The following ZNF775 variants were observed in gnomAD, a reference collection of about 807,000 sequenced individuals.
ZNF775 encodes zinc finger protein 775.
Under a neutral mutation model 2.4 loss-of-function variants are expected in ZNF775, and 1 was observed. The ratio of observed to expected loss-of-function variants is 0.41; its 90% confidence interval spans 0.15 to 1.94. The LOEUF (loss-of-function observed/expected upper bound fraction) is 1.94, where lower values mean the gene tolerates loss of function less well. ZNF775 is among the 30% of genes most tolerant of loss of function. ZNF775 has a pLI of 0.30. For synonymous variants in ZNF775, 381 were observed against 373.3 expected (o/e 1.02, Z -0.24); for missense variants, 823 against 826.6 (o/e 1.00, Z 0.05).
At chr7:150,386,870 C>T (rs964822871) in intron 1 of ZNF775, among the ~76,000 whole-genome samples, 2 of 152,226 alleles carry the variant, frequency 1.3e-5, no homozygotes, top group African/African-American at 4.8e-5. Context: ...CTGCTCTGAG[C>T]CCTGCGGATC....
At chr7:150,390,932 G>T (rs1475745696) in intron 2 of ZNF775, among the ~76,000 whole-genome samples, 1 of 152,206 alleles carries the variant, frequency 6.6e-6, no homozygotes, top group Non-Finnish European at 1.5e-5. Flanking sequence ...GTGTATACTT[G>T]TTCTCCTGTG....
intron 1 of ZNF775, among the ~76,000 whole-genome samples, chr7:150,380,439 C>A (rs963990440): frequency 1.3e-5 from 2 of 152,118 alleles, no homozygotes; most frequent in African/African-American, 4.8e-5. Flanking sequence ...GTAGATGGTC[C>A]TAGGTGCACA....
rs1352817492 is a variant in ZNF775, at chr7:150,397,587, C to T, written c.1106C>T (p.Pro369Leu). Residue 369 changes from proline to leucine, a missense_variant, in exon 3 of 3, where the codon CCC becomes CTC. Pro to Leu is a moderately conservative substitution (Grantham distance 98). Coordinates refer to ENST00000329630, the MANE Select transcript of ZNF775 (RefSeq NM_173680.4). Reference sequence around the variant, plus strand: ...CCCGGCGCCCAGGCTGCGCCCTGCCCCAGCTGCGGTAAGAGCTGCCGCAGC... The same window carrying T: ...CCCGGCGCCCAGGCTGCGCCCTGCCTCAGCTGCGGTAAGAGCTGCCGCAGC... ...HLPGAQAAPC[P>L]SCGKSCRSRA... The T allele has an allele frequency of 6.8e-7, 1 of 1,474,818 alleles. No individual in the cohort carries two copies. The highest frequency in any genetic ancestry group is 1.5e-5 in the African/African-American group (1 of 67,254). The allele number at this position is 1,474,818 out of a possible 1,614,324, so 91.4% of individuals were successfully genotyped here.
chr7:150,389,396 C>T (rs1347025122), intron 2 of ZNF775, among the ~76,000 whole-genome samples: 8 of 152,228 alleles, frequency 5.3e-5, no homozygotes, highest in Admixed American at 3.3e-4. Flanking sequence ...AAAAGAGAAA[C>T]GTGGCCGCAA....
At chr7:150,395,022 G>C (rs1800624709) in intron 2 of ZNF775, among the ~76,000 whole-genome samples, 1 of 120,002 alleles carries the variant, frequency 8.3e-6, no homozygotes, top group African/African-American at 3.0e-5. Flanking sequence ...CATATAAGGT[G>C]GAAAAAGTCC....
chr7:150,389,941 A>G (rs1388359725), intron 2 of ZNF775, among the ~76,000 whole-genome samples: 2 of 147,794 alleles, frequency 1.4e-5, no homozygotes, highest in Non-Finnish European at 3.0e-5. Flanking sequence ...TATACGCAAC[A>G]CTTACCATTG....
intron 2 of ZNF775, among the ~76,000 whole-genome samples, chr7:150,389,779 T>G (rs1218393071): frequency 6.6e-6 from 1 of 152,190 alleles, no homozygotes; most frequent in Non-Finnish European, 1.5e-5. Flanking sequence ...CTGGCCAGAC[T>G]GAGGGAACCA....
intron 2 of ZNF775, among the ~76,000 whole-genome samples, chr7:150,389,109 C>CT (rs1466030776): frequency 6.6e-6 from 1 of 152,254 alleles, no homozygotes; most frequent in Non-Finnish European, 1.5e-5. Flanking sequence ...GCAGCCCTTC[C>CT]TGGAGTGCCC....
At position 150,384,645 on chromosome 7, in the gene ZNF775, T is replaced by G. The variant is rs1800420444; in HGVS notation, c.-49-3777T>G. ...GGCCTCCCCTCATTCCTGTCCTCTG[T>G]GTTTCCCCCTTTGAATTTCTCACTT... On this transcript the variant is annotated intron_variant, in intron 1 of 2. Transcript: ENST00000329630. This position sits in a 1 kb window ranked among gnomAD's most constrained non-coding sequence, Gnocchi z 4.1. Among the ~76,000 whole-genome samples the G allele has an allele frequency of 6.6e-6, 1 of 152,126 alleles. No homozygotes were observed. The highest frequency in any genetic ancestry group is 1.5e-5 in the Non-Finnish European group (1 of 68,004).
At position 150,396,777 on chromosome 7, in the gene ZNF775, C is replaced by T. The variant is rs745969597; in HGVS notation, c.296C>T (p.Ser99Leu). Residue 99 changes from serine (S) to leucine (L), a missense_variant, in exon 3 of 3, where the codon TCG (serine) becomes TTG (leucine). Ser to Leu is a moderately radical substitution (Grantham distance 145). Coordinates refer to ENST00000329630, the MANE Select transcript of ZNF775 (RefSeq NM_173680.4). ...PGSASGPLSP[S>L]LSSGEGHFVC... ...TCAGCCTCCGGCCCCCTGAGCCCCT[C>T]GCTTTCCTCCGGCGAGGGTCACTTT... 2 of 1,592,698 alleles carry T rather than the reference C, an allele frequency of 1.3e-6. No individual in the cohort carries two copies. Among genetic ancestry groups the T allele is most frequent in the Non-Finnish European group, 1.7e-6 (2 of 1,170,724 alleles).
chr7:150,396,550 G>T lies in ZNF775; in HGVS notation c.69G>T (p.Pro23=). The change falls in exon 3 of 3, where the codon CCG becomes CCT. Residue 23 remains proline, a synonymous_variant. Coordinates refer to ENST00000329630, the MANE Select transcript of ZNF775 (RefSeq NM_173680.4). ...GLVMKVKQEK[P]ERLLQTLAPQ... ...TGATGAAGGTCAAGCAGGAGAAGCCGGAGCGGCTGCTGCAGACGCTGGCGC... is the reference window on the plus strand; with the variant it reads ...TGATGAAGGTCAAGCAGGAGAAGCCTGAGCGGCTGCTGCAGACGCTGGCGC... 1 of 1,603,590 alleles carries T rather than the reference G, an allele frequency of 6.2e-7. No individual in the cohort carries two copies. The highest frequency in any genetic ancestry group is 8.5e-7 in the Non-Finnish European group (1 of 1,176,996).
chr7:150,386,375 A>C (rs1374030800), intron 1 of ZNF775, among the ~76,000 whole-genome samples: 1 of 152,232 alleles, frequency 6.6e-6, no homozygotes. Context: ...CTCTTGAAAA[A>C]AGTGGGTGTC....
chr7:150,385,453 C>T (rs530608651), intron 1 of ZNF775, among the ~76,000 whole-genome samples: 10 of 149,180 alleles, frequency 6.7e-5, no homozygotes, highest in Non-Finnish European at 1.4e-4. Context: ...ACTGCAAAGA[C>T]GGGAGCTCTG....
At chr7:150,395,294 TTTTATC>T (rs771894030) in intron 2 of ZNF775, among the ~76,000 whole-genome samples, 31 of 152,346 alleles carry the variant, frequency 2.0e-4, no homozygotes, top group East Asian at 1.9e-4. Context: ...TATAATCTGT[TTTTATC>T]TTTATTAATG....
intron 2 of ZNF775, among the ~76,000 whole-genome samples, chr7:150,395,768 G>T (rs1800636196): frequency 6.6e-6 from 1 of 152,250 alleles, no homozygotes; most frequent in Non-Finnish European, 1.5e-5. Context: ...AGCAGTGGGT[G>T]TGGGACCCCC....
In ZNF775 at chr7:150,393,296, C is replaced by T. The variant is rs181055342; in HGVS notation, c.32-3217C>T. Reference sequence around the variant, plus strand: ...GTTTGCATGTAGGGTACCTCCATGGCTTTTTTGACTTAATAGCTTACTTCT... The same window carrying T: ...GTTTGCATGTAGGGTACCTCCATGGTTTTTTTGACTTAATAGCTTACTTCT... On this transcript the variant is annotated intron_variant, in intron 2 of 2. Transcript: ENST00000329630. Among the ~76,000 whole-genome samples, 117 of 152,216 alleles carry T rather than the reference C, an allele frequency of 7.7e-4. 1 individual carries two copies. The highest frequency in any genetic ancestry group is 6.9e-3 in the Admixed American group (106 of 15,290).
rs1800654452 is a variant in ZNF775 at position 150,396,531 on chromosome 7, A to G, written c.50A>G (p.Lys17Arg). ...GNGTGAGLVM[K>R]VKQEKPERLL... ...CTGGCAGGAGCTGGGCTGGTGATGA[A>G]GGTCAAGCAGGAGAAGCCGGAGCGG... Residue 17 changes from lysine (K) to arginine (R), a missense_variant, in exon 3 of 3, where the codon AAG becomes AGG. Coordinates refer to ENST00000329630, the MANE Select transcript of ZNF775 (RefSeq NM_173680.4). 6.3e-7 allele frequency: 1 copy of G among 1,599,580 alleles called. No individual in the cohort carries two copies. The highest frequency in any genetic ancestry group is 8.5e-7 in the Non-Finnish European group (1 of 1,175,138).
At chr7:150,383,559 G>A (rs932396546) in intron 1 of ZNF775, among the ~76,000 whole-genome samples, 4 of 152,200 alleles carry the variant, frequency 2.6e-5, no homozygotes, top group African/African-American at 9.6e-5. Flanking sequence ...ATAGAAAGGG[G>A]CAGCATGGCA....
Position 150,397,584 on chromosome 7 carries a change from G to A in ZNF775, c.1103G>A (p.Cys368Tyr), listed in dbSNP as rs2116481936. The change falls in exon 3 of 3, where the codon TGC (cysteine) becomes TAC (tyrosine). Residue 368 changes from cysteine to tyrosine, a missense_variant. By Grantham distance (194) the Cys-to-Tyr change is radical (BLOSUM62 -2). Transcript: ENST00000329630. ...THLPGAQAAP[C>Y]PSCGKSCRSR... is the part of the protein sequence containing the mutation. ...CTGCCCGGCGCCCAGGCTGCGCCCT[G>A]CCCCAGCTGCGGTAAGAGCTGCCGC... 1.4e-6 allele frequency: 2 copies of A among 1,476,922 alleles called. No homozygotes were observed. The highest frequency in any genetic ancestry group is 1.8e-6 in the Non-Finnish European group (2 of 1,121,696). 91.5% of individuals were successfully genotyped at this position (1,476,922 alleles called of 1,614,324 possible).
Sources: gnomAD v4.1 joint callset for allele counts (sites outside exome capture counted in the v4.1 genomes callset) on GRCh38, gnomAD v4.1.1 for gene constraint, Gnocchi (gnomAD v3.1) non-coding constraint, MANE v1.5 for transcripts, NCBI Gene and HGNC (gene_info 2026-07-23, HGNC 2026-07-21) for gene names.